Variants in SPACA6 observed in about 807,000 individuals in gnomAD.
SPACA6 encodes sperm acrosome membrane-associated protein 6.
For missense variants in SPACA6, 8 were observed against 2.8 expected (o/e 2.88, Z -1.34); for synonymous variants, 6 against 1.5 (o/e 4.05, Z -2.21).
chr19:51,711,633 AT>A, intron 2 of SPACA6, among the ~76,000 whole-genome samples: 1 of 152,348 alleles, frequency 6.6e-6, no homozygotes, highest in Non-Finnish European at 1.5e-5. Flanking sequence ...AGGTGGAGAT[AT>A]CCCAAATGTC....
chr19:51,694,641 G>C (rs542041716), intron 2 of SPACA6, 86 bp downstream of exon 2: 1 of 399,116 alleles, frequency 2.5e-6, no homozygotes, highest in South Asian at 1.3e-4. Flanking sequence ...GGCAGAGGAA[G>C]GAGGCCCCCA....
At chr19:51,708,004 AG>A (rs2083523918), downstream of SPACA6, among the ~76,000 whole-genome samples, 1 of 152,182 alleles carries the variant, frequency 6.6e-6, no homozygotes, top group South Asian at 2.1e-4. Flanking sequence ...CCCATAGTTT[AG>A]GGATTGTTCT....
intron 3 of SPACA6, 76 bp from the exon 4 acceptor site, chr19:51,702,553 A>T (rs560632040): frequency 4.3e-5 from 17 of 393,874 alleles, no homozygotes; most frequent in African/African-American, 3.7e-4. Context: ...CGGGCCTTGT[A>T]ACATTAGCTA....
At chr19:51,705,612 C>G (rs1370750694), downstream of SPACA6, among the ~76,000 whole-genome samples, 2 of 152,156 alleles carry the variant, frequency 1.3e-5, no homozygotes, top group Admixed American at 6.5e-5. Flanking sequence ...CACCTCATGT[C>G]TGGATCACTG....
upstream of SPACA6, chr19:51,692,765 G>A: frequency 1.9e-6 from 1 of 534,404 alleles, no homozygotes; most frequent in South Asian, 1.4e-5. This position sits in a 1 kb window ranked among gnomAD's most constrained non-coding sequence, Gnocchi z 5.6. Context: ...TGTCTGTCGG[G>A]TCTGTCCACC....
chr19:51,689,438 C>T (rs543280604), upstream of SPACA6: 1,675 of 150,596 alleles, frequency 0.011, 30 homozygotes, highest in African/African-American at 0.039. Flanking sequence ...AGGAGGATGG[C>T]GGGGACGGCG....
Position 51,703,131 on chromosome 19 carries a change from C to T in SPACA6, c.463+33C>T, listed in dbSNP as rs754088003. Reference sequence around the variant, plus strand: ...GGCGGGGCCTCGGGGTGCAGGAGGCCAACCTGAGAAAAGGGACCAGAGCAC... The same window carrying T: ...GGCGGGGCCTCGGGGTGCAGGAGGCTAACCTGAGAAAAGGGACCAGAGCAC... On this transcript the variant is annotated intron_variant, in intron 5 of 8. Coordinates refer to ENST00000637797, the MANE Select transcript of SPACA6 (RefSeq NM_001316972.2). The surrounding 1 kb of genome is among the most constrained non-coding windows in gnomAD (Gnocchi z 4.2). The T allele has an allele frequency of 1.7e-4, 69 of 399,354 alleles. No individual in the cohort carries two copies. Among genetic ancestry groups the T allele is most frequent in the Non-Finnish European group, 1.3e-4 (30 of 226,414 alleles). The allele number at this position is 399,354 out of a possible 1,614,324, so 24.7% of individuals were successfully genotyped here.
rs1006555664 is a variant in SPACA6 at position 51,693,396 on chromosome 19, C to T, written c.-131C>T. On this transcript the variant is annotated 5_prime_UTR_variant, in exon 1 of 9. Coordinates refer to ENST00000637797, the MANE Select transcript of SPACA6 (RefSeq NM_001316972.2). ...CTTCTGACCCCTGACTCCTCATACC[C>T]TTCCTCCAGAGCATGACATTTGACC... 1.0e-5 allele frequency: 7 copies of T among 676,976 alleles called. No individual in the cohort carries two copies. The highest frequency in any genetic ancestry group is 6.3e-5 in the South Asian group (4 of 63,688). 41.9% of individuals were successfully genotyped at this position (676,976 alleles called of 1,614,324 possible). A position where few individuals can be genotyped will look rare whatever the true frequency, so the allele number is the denominator to read the frequency against.
At chr19:51,699,845 T>C (rs1412874071) in intron 2 of SPACA6, among the ~76,000 whole-genome samples, 1 of 152,136 alleles carries the variant, frequency 6.6e-6, no homozygotes, top group African/African-American at 2.4e-5. Flanking sequence ...ATTTAGCCGA[T>C]AAAACCCTGC....
Position 51,696,112 on chromosome 19 carries a change from C to T in SPACA6, c.292+1557C>T, listed in dbSNP as rs927820027. Among the ~76,000 whole-genome samples the T allele has an allele frequency of 3.9e-5, 6 of 151,938 alleles. 1 individual carries two copies. Among genetic ancestry groups the T allele is most frequent in the Non-Finnish European group, 8.8e-5 (6 of 67,978 alleles). On this transcript the variant is annotated intron_variant, in intron 2 of 8. Coordinates refer to ENST00000637797, the MANE Select transcript of SPACA6 (RefSeq NM_001316972.2). ...GAGTGTTGAGTCTCTTTCCTCAGGGCGCTGGGGAGCTGCAGCAGGAGTGTG... is the reference window on the plus strand; with the variant it reads ...GAGTGTTGAGTCTCTTTCCTCAGGGTGCTGGGGAGCTGCAGCAGGAGTGTG...
intron 2 of SPACA6, among the ~76,000 whole-genome samples, chr19:51,694,948 GC>G (rs1398779508): frequency 2.0e-5 from 3 of 152,056 alleles, no homozygotes; most frequent in Non-Finnish European, 4.4e-5. Flanking sequence ...TCCTAGGATG[GC>G]CATGGAGCTC....
intron 2 of SPACA6, among the ~76,000 whole-genome samples, chr19:51,696,807 C>G (rs1280330424): frequency 1.3e-5 from 2 of 152,060 alleles, no homozygotes; most frequent in Non-Finnish European, 2.9e-5. Flanking sequence ...TCCAGTTGAG[C>G]AAAGACCTGA....
rs147495866 is a variant in SPACA6, at chr19:51,711,668, A to G, written n.200-365A>G. On this transcript the variant is annotated intron_variant and non_coding_transcript_variant, in intron 2 of 2. Transcript: ENST00000573896. ...TCCATCAACTGATAAATACATAAAC[A>G]CAATGCAATATAGCCATACTGTGGA... 6.8e-3 allele frequency among the ~76,000 whole-genome samples: 1,040 copies of G among 152,320 alleles called. 13 individuals are homozygous for G. The highest frequency in any genetic ancestry group is 0.023 in the African/African-American group (960 of 41,550).
At chr19:51,709,589 T>G (rs1382647305), downstream of SPACA6, among the ~76,000 whole-genome samples, 8 of 123,272 alleles carry the variant, frequency 6.5e-5, no homozygotes, top group Non-Finnish European at 9.9e-5. Context: ...CAGTCCAGCC[T>G]GGGCTACAGA....
downstream of SPACA6, among the ~76,000 whole-genome samples, chr19:51,706,208 C>T (rs549443945): frequency 2.0e-5 from 3 of 152,278 alleles, no homozygotes; most frequent in Admixed American, 1.3e-4. Context: ...GGCCTTTCCT[C>T]CTTCCTCGCA....
chr19:51,696,656 A>G (rs1600137932), intron 2 of SPACA6, among the ~76,000 whole-genome samples: 1 of 151,770 alleles, frequency 6.6e-6, no homozygotes, highest in East Asian at 1.9e-4. Context: ...GTTATGTTGC[A>G]TGGGTTGGTC....
rs1176372388 is a variant in SPACA6, at chr19:51,704,163, C to T, written c.707C>T (p.Ala236Val). ...ATCAAGCAAGACCAGCGCCCCCTGG[C>T]CCGGCTCTACTTCTTTCTTAACGGT... ...CVIKQDQRPL[A>V]RLYFFLNVTG... Residue 236 changes from alanine (A) to valine (V), a missense_variant, in exon 7 of 9, where the codon GCC becomes GTC. By Grantham distance (64) the Ala-to-Val change is moderately conservative. Transcript: ENST00000637797. 2 of 401,080 alleles carry T rather than the reference C, an allele frequency of 5.0e-6. No homozygotes were observed. Among genetic ancestry groups the T allele is most frequent in the Non-Finnish European group, 4.4e-6 (1 of 226,192 alleles). The allele number at this position is 401,080 out of a possible 1,614,324, so 24.8% of individuals were successfully genotyped here.
rs933872586 is a variant in SPACA6 at position 51,693,588 on chromosome 19, G to A, written c.62G>A (p.Arg21Lys). 8.5e-5 allele frequency: 37 copies of A among 437,410 alleles called. 1 individual carries two copies. The South Asian group carries it at 2.6e-3, about 30-fold the overall frequency. 27.1% of individuals were successfully genotyped at this position (437,410 alleles called of 1,614,324 possible). ...GCCCTGCTGGCCCTGGCTGTCTTCA[G>A]GGTGCCCGCCTGGGCCTGTCTCCTC... ...PSALLALAVFRVPAWACLLCF... is the reference protein window; with the variant it reads ...PSALLALAVFKVPAWACLLCF... Residue 21 changes from arginine to lysine, a missense_variant, in exon 1 of 9, where the codon AGG becomes AAG. Physicochemically the swap from Arg to Lys is conservative, Grantham distance 26 (BLOSUM62 2). Transcript: ENST00000637797.
chr19:51,699,740 T>C (rs1006674972), intron 2 of SPACA6, among the ~76,000 whole-genome samples: 1 of 152,004 alleles, frequency 6.6e-6, no homozygotes, highest in African/African-American at 2.4e-5. Flanking sequence ...CTTAATCACC[T>C]CTTTAAGAAC....
Sources: gnomAD v4.1 joint callset for allele counts (sites outside exome capture counted in the v4.1 genomes callset) on GRCh38, gnomAD v4.1.1 for gene constraint, Gnocchi (gnomAD v3.1) non-coding constraint, MANE v1.5 for transcripts, NCBI Gene and HGNC (gene_info 2026-07-23, HGNC 2026-07-21) for gene names.